PPFIBP1: variants seen among roughly 807,000 people sequenced by gnomAD.
PPFIBP1 encodes PPFIB scaffold protein 1, also known as liprin-beta-1.
Under a neutral mutation model 137.8 loss-of-function variants are expected in PPFIBP1, and 112 were observed. The observed-to-expected ratio is 0.81, with a 90% confidence interval of 0.70 to 0.95. The LOEUF (loss-of-function observed/expected upper bound fraction) is 0.95, where lower values mean the gene tolerates loss of function less well. Among genes scored for constraint, PPFIBP1 ranks in the 40% least tolerant of loss-of-function variants. PPFIBP1 has a pLI of 0.00. For synonymous variants in PPFIBP1, 378 were observed against 417.3 expected (o/e 0.91, Z 1.15); for missense variants, 1,083 against 1,196.6 (o/e 0.91, Z 1.40).
Position 27,662,545 on chromosome 12 carries a change from T to G in PPFIBP1, c.906+1600T>G, listed in dbSNP as rs187454694. Among the ~76,000 whole-genome samples, 300 of 152,256 alleles carry G rather than the reference T, an allele frequency of 2.0e-3. 2 individuals are homozygous for G. The highest frequency in any genetic ancestry group is 0.014 in the Middle Eastern group (4 of 294). Reference sequence around the variant, plus strand: ...AGTGAAGTGATAAGGTGGGAAGAGCTTTTAGAGAAATTTACGGGTTGACAA... The same window carrying G: ...AGTGAAGTGATAAGGTGGGAAGAGCGTTTAGAGAAATTTACGGGTTGACAA... On this transcript the variant is annotated intron_variant, in intron 11 of 29. Coordinates refer to ENST00000228425, the MANE Select transcript of PPFIBP1 (RefSeq NM_003622.4).
intron 2 of PPFIBP1, among the ~76,000 whole-genome samples, chr12:27,606,425 C>T (rs577243492): frequency 6.6e-6 from 1 of 152,220 alleles, no homozygotes; most frequent in South Asian, 2.1e-4. Flanking sequence ...TTTAGCTCTA[C>T]GACTGTGTGT....
chr12:27,624,099 A>T (rs1331519750), intron 2 of PPFIBP1, among the ~76,000 whole-genome samples: 2 of 151,970 alleles, frequency 1.3e-5, no homozygotes, highest in Non-Finnish European at 2.9e-5. Context: ...CAGTAGGGGG[A>T]TCAGTGCATG....
At chr12:27,535,072 C>G (rs769153811) in intron 1 of PPFIBP1, among the ~76,000 whole-genome samples, 1 of 152,148 alleles carries the variant, frequency 6.6e-6, no homozygotes, top group South Asian at 2.1e-4. Context: ...AATTGATAGG[C>G]ATAATATTCT....
chr12:27,532,381 G>A (rs945390368), intron 1 of PPFIBP1, among the ~76,000 whole-genome samples: 1 of 151,808 alleles, frequency 6.6e-6, no homozygotes. Flanking sequence ...AAGCACACGT[G>A]TATGGTTTAC....
intron 1 of PPFIBP1, among the ~76,000 whole-genome samples, chr12:27,574,018 A>G (rs7958124): frequency 0.65 from 98,506 of 150,634 alleles, 32,818 homozygotes; most frequent in African/African-American, 0.78. Context: ...CAACAAAAAG[A>G]TTAAGACCAT....
chr12:27,530,105 G>A (rs1210457958), intron 1 of PPFIBP1, among the ~76,000 whole-genome samples: 1 of 152,214 alleles, frequency 6.6e-6, no homozygotes, highest in East Asian at 1.9e-4. Context: ...CTAGTGACTT[G>A]ACAGGGCGGC....
At chr12:27,574,155 A>C (rs927133556) in intron 1 of PPFIBP1, among the ~76,000 whole-genome samples, 1 of 152,168 alleles carries the variant, frequency 6.6e-6, no homozygotes, top group African/African-American at 2.4e-5. Context: ...ATTTCCTCCC[A>C]AAATCCCAGA....
chr12:27,627,574 T>G (rs1330275154), intron 2 of PPFIBP1, among the ~76,000 whole-genome samples: 1 of 152,188 alleles, frequency 6.6e-6, no homozygotes, highest in Non-Finnish European at 1.5e-5. Context: ...TCACAAAAAT[T>G]TAAAAGAAAC....
intron 23 of PPFIBP1, 28 bp from the exon 24 acceptor site, chr12:27,682,587 G>A: frequency 1.2e-6 from 2 of 1,612,608 alleles, no homozygotes; most frequent in South Asian, 1.1e-5. Flanking sequence ...TTTGTGGCAT[G>A]GTAGCAACAC....
chr12:27,611,207 G>C (rs1330842317), intron 2 of PPFIBP1, among the ~76,000 whole-genome samples: 5 of 152,172 alleles, frequency 3.3e-5, no homozygotes, highest in African/African-American at 1.2e-4. Context: ...GCAGATTGTT[G>C]CCTATATAGC....
In PPFIBP1 at chr12:27,682,393, G is replaced by C. The variant is rs200119939; in HGVS notation, c.2053G>C (p.Gly685Arg). 2.5e-5 allele frequency: 40 copies of C among 1,607,422 alleles called. No homozygotes were observed. In the East Asian group the frequency reaches 3.1e-4, roughly 13 times the overall value. Residue 685 changes from glycine to arginine, a missense_variant, in exon 23 of 30, where the codon GGA becomes CGA. Coordinates refer to ENST00000228425, the MANE Select transcript of PPFIBP1 (RefSeq NM_003622.4). ...ASQQDLEKEL[G>R]IKHSLHRKKL... ...TCAATGTTTATTGTTTCAGGAACTT[G>C]GAATCAAGCATTCACTTCATCGAAA...
chr12:27,685,321 TA>T (rs981364443), intron 24 of PPFIBP1, among the ~76,000 whole-genome samples: 1 of 151,960 alleles, frequency 6.6e-6, no homozygotes, highest in Non-Finnish European at 1.5e-5. Context: ...TATAGTATTA[TA>T]ATACTATTAT....
intron 1 of PPFIBP1, among the ~76,000 whole-genome samples, chr12:27,558,467 T>C (rs1053714849): frequency 7.7e-6 from 1 of 129,282 alleles, no homozygotes; most frequent in African/African-American, 3.1e-5. Flanking sequence ...CAGTATGTTA[T>C]ACACACACAC....
At chr12:27,546,374 A>T (rs1011877583) in intron 1 of PPFIBP1, among the ~76,000 whole-genome samples, 3 of 152,218 alleles carry the variant, frequency 2.0e-5, no homozygotes, top group African/African-American at 7.2e-5. Context: ...GCTGTAAAAA[A>T]TTAAATAATA....
intron 2 of PPFIBP1, among the ~76,000 whole-genome samples, chr12:27,607,875 C>T (rs1268920623): frequency 2.0e-5 from 3 of 152,086 alleles, no homozygotes; most frequent in African/African-American, 7.2e-5. Context: ...GGGGTGGGGA[C>T]AGGAATGTGG....
Position 27,676,478 on chromosome 12 carries a change from C to T in PPFIBP1, c.1461C>T (p.Pro487=), listed in dbSNP as rs776591532. 12 of 1,595,078 alleles carry T rather than the reference C, an allele frequency of 7.5e-6. No homozygotes were observed. The highest frequency in any genetic ancestry group is 3.5e-5 in the Admixed American group (2 of 56,806). The change falls in exon 18 of 30, where the codon CCC becomes CCT. Residue 487 remains proline (P), a synonymous_variant. Transcript: ENST00000228425. ...CATTTGGGACCCTTCCTCCCAGGCC[C>T]CCAGGGCAGGACACCTCCATGGATG... ...SRPFGTLPPR[P]PGQDTSMDDN...
intron 7 of PPFIBP1, among the ~76,000 whole-genome samples, chr12:27,652,333 T>A (rs1251650895): frequency 1.3e-5 from 2 of 152,138 alleles, no homozygotes; most frequent in Non-Finnish European, 1.5e-5. Flanking sequence ...GGGAGATGAT[T>A]AGCATCATTC....
intron 22 of PPFIBP1, 34 bp from the exon 23 acceptor site, chr12:27,682,353 G>A (rs747109977): frequency 2.1e-5 from 31 of 1,487,838 alleles, no homozygotes; most frequent in Non-Finnish European, 2.8e-6. Context: ...AGCCTATACA[G>A]ATAGAATTAT....
chr12:27,583,278 G>T (rs2051328354), intron 2 of PPFIBP1, among the ~76,000 whole-genome samples: 1 of 152,150 alleles, frequency 6.6e-6, no homozygotes, highest in Admixed American at 6.5e-5. Flanking sequence ...ACACAGGATG[G>T]AACACTGTTA....
Sources: allele counts gnomAD v4.1 joint callset (sites outside exome capture counted in the v4.1 genomes callset), GRCh38; gene constraint gnomAD v4.1.1; transcripts MANE v1.5; gene names NCBI Gene and HGNC (gene_info 2026-07-23, HGNC 2026-07-21).